The following SLC4A10 variants were observed in gnomAD, a reference collection of about 807,000 sequenced individuals.
SLC4A10 encodes solute carrier family 4 member 10.
In SLC4A10, 42 loss-of-function variants were observed where a neutral mutation model predicts 137.7. The observed-to-expected ratio is 0.30, with a 90% CI of 0.24 to 0.39. The LOEUF (loss-of-function observed/expected upper bound fraction) is 0.39, where lower values mean the gene tolerates loss of function less well. Among genes scored for constraint, SLC4A10 ranks in the 10% least tolerant of loss-of-function variants. SLC4A10 has a pLI of 1.00. For synonymous variants in SLC4A10, 474 were observed against 464.1 expected (o/e 1.02, Z -0.27); for missense variants, 925 against 1,355.0 (o/e 0.68, Z 4.98).
At chr2:161,907,258 C>A (rs531774366) in intron 15 of SLC4A10, among the ~76,000 whole-genome samples, 1 of 152,104 alleles carries the variant, frequency 6.6e-6, no homozygotes, top group African/African-American at 2.4e-5. Flanking sequence ...GTAAACAGGG[C>A]TAAGAAAGGA....
chr2:161,977,307 TC>T (rs1480739552), intron 25 of SLC4A10: 7 of 451,908 alleles, frequency 1.5e-5, no homozygotes, highest in Non-Finnish European at 3.1e-5. Flanking sequence ...ATAGTTCTAG[TC>T]CTGACTCCAA....
chr2:161,727,330 C>T (rs984333282), intron 1 of SLC4A10, among the ~76,000 whole-genome samples: 2 of 152,214 alleles, frequency 1.3e-5, no homozygotes, highest in Non-Finnish European at 2.9e-5. Flanking sequence ...AAACCAAATA[C>T]TTTACAGTGT....
intron 1 of SLC4A10, among the ~76,000 whole-genome samples, chr2:161,768,692 G>A (rs751646924): frequency 6.6e-5 from 10 of 151,912 alleles, no homozygotes; most frequent in Admixed American, 1.3e-4. Flanking sequence ...GTGACACCTT[G>A]ATCAACTAAC....
chr2:161,829,673 G>A (rs551538807), intron 3 of SLC4A10, among the ~76,000 whole-genome samples: 1 of 152,020 alleles, frequency 6.6e-6, no homozygotes, highest in East Asian at 1.9e-4. Flanking sequence ...ATTATTTGAG[G>A]ATATTTTACT....
Position 161,689,608 on chromosome 2 carries a change from G to A in SLC4A10, c.48+65042G>A, listed in dbSNP as rs1256657651. 2.0e-5 allele frequency among the ~76,000 whole-genome samples: 3 copies of A among 152,262 alleles called. No homozygotes were observed. In the East Asian group the frequency reaches 5.8e-4, roughly 29 times the overall value. On this transcript the variant is annotated intron_variant, in intron 1 of 26. Coordinates refer to ENST00000446997, the MANE Select transcript of SLC4A10 (RefSeq NM_001178015.2). ...CCTAAGAACACATTTCTCAGAACAT[G>A]TCCCTGTCATTAAGTGAGGCTGTAC...
At chr2:161,910,254 C>T (rs183451787) in intron 15 of SLC4A10, among the ~76,000 whole-genome samples, 1 of 152,108 alleles carries the variant, frequency 6.6e-6, no homozygotes, top group Non-Finnish European at 1.5e-5. Context: ...CTCTGTCATC[C>T]TAACCTTATA....
chr2:161,901,042 A>G (rs1346083289), intron 12 of SLC4A10, 31 bp downstream of exon 12: 2 of 1,456,236 alleles, frequency 1.4e-6, no homozygotes, highest in East Asian at 4.9e-5. Context: ...TGGGACTTCA[A>G]GGACCAAATG....
chr2:161,883,844 C>T (rs1053990036), intron 10 of SLC4A10, among the ~76,000 whole-genome samples: 4 of 152,098 alleles, frequency 2.6e-5, no homozygotes, highest in Non-Finnish European at 5.9e-5. Context: ...ATTTAGGGCC[C>T]ATCCTAAATC....
chr2:161,646,807 T>C (rs1293900625), intron 1 of SLC4A10, among the ~76,000 whole-genome samples: 1 of 152,066 alleles, frequency 6.6e-6, no homozygotes, highest in Non-Finnish European at 1.5e-5. Flanking sequence ...CTTGACACAG[T>C]GACAAAAATT....
chr2:161,859,366 C>G (rs1021787517), intron 5 of SLC4A10, among the ~76,000 whole-genome samples: 1 of 149,072 alleles, frequency 6.7e-6, no homozygotes, highest in Non-Finnish European at 1.5e-5. Context: ...TCTCAGCTCA[C>G]TGCAGCCTCC....
chr2:161,924,602 T>A (rs1688732908), intron 15 of SLC4A10, among the ~76,000 whole-genome samples: 1 of 152,194 alleles, frequency 6.6e-6, no homozygotes, highest in African/African-American at 2.4e-5. Context: ...CACTTTGGAA[T>A]TGATTTATAG....
chr2:161,712,201 G>T (rs994784301), intron 1 of SLC4A10, among the ~76,000 whole-genome samples: 1 of 151,806 alleles, frequency 6.6e-6, no homozygotes, highest in East Asian at 1.9e-4. Context: ...GAAAGATTTT[G>T]TGTTTAAACT....
intron 7 of SLC4A10, 90 bp from the exon 8 acceptor site, chr2:161,873,826 C>T (rs2061296556): frequency 7.9e-7 from 1 of 1,260,474 alleles, no homozygotes. Context: ...TAATCTAGAT[C>T]TAGTTACGTG....
chr2:161,794,127 A>G lies in SLC4A10; in HGVS notation c.131-10322A>G, dbSNP rs564387790. ...ACTAATTTTATCTTAGGGTTTATAA[A>G]TATGAATCCTAAATATTAAAGTAGT... On this transcript the variant is annotated intron_variant, in intron 2 of 26. Coordinates refer to ENST00000446997, the MANE Select transcript of SLC4A10 (RefSeq NM_001178015.2). Among the ~76,000 whole-genome samples the G allele has an allele frequency of 4.2e-4, 64 of 152,284 alleles. 3 individuals are homozygous for G. The South Asian group carries it at 0.012, about 29-fold the overall frequency.
chr2:161,780,842 A>T (rs1354471386), intron 2 of SLC4A10, among the ~76,000 whole-genome samples: 1 of 152,054 alleles, frequency 6.6e-6, no homozygotes, highest in East Asian at 1.9e-4. Context: ...ATTATTTGCC[A>T]TGTTTCTATT....
chr2:161,684,458 G>A (rs1432359701), intron 1 of SLC4A10, among the ~76,000 whole-genome samples: 2 of 152,118 alleles, frequency 1.3e-5, no homozygotes, highest in Admixed American at 1.3e-4. Flanking sequence ...CATATTCCCA[G>A]CTATAGGTAC....
intron 3 of SLC4A10, among the ~76,000 whole-genome samples, chr2:161,828,804 A>ATATATG (rs1553569620): frequency 1.7e-5 from 2 of 118,586 alleles, no homozygotes; most frequent in Non-Finnish European, 3.5e-5. Flanking sequence ...ATATATATAT[A>ATATATG]TATATGTATA....
At chr2:161,839,721 C>G in intron 3 of SLC4A10, 68 bp from the exon 4 acceptor site, 1 of 1,577,102 alleles carries the variant, frequency 6.3e-7, no homozygotes, top group South Asian at 1.1e-5. Context: ...AAGGCAGTGA[C>G]TGGGACATTT....
At chr2:161,950,273 C>T (rs922490651) in intron 18 of SLC4A10, among the ~76,000 whole-genome samples, 4 of 152,004 alleles carry the variant, frequency 2.6e-5, no homozygotes, top group African/African-American at 7.3e-5. Flanking sequence ...TGTCAATATG[C>T]TATTTGTAAA....
Sources: gnomAD v4.1 joint callset for allele counts (sites outside exome capture counted in the v4.1 genomes callset) on GRCh38, gnomAD v4.1.1 for gene constraint, MANE v1.5 for transcripts, NCBI Gene and HGNC (gene_info 2026-07-23, HGNC 2026-07-21) for gene names.